DMBT1: variants seen among roughly 807,000 people sequenced by gnomAD.
The protein encoded by DMBT1 is scavenger receptor cysteine-rich domain-containing protein DMBT1.
A neutral mutation model predicts 252.9 loss-of-function variants in DMBT1; 198 were observed. The observed-to-expected ratio is 0.78, with a 90% confidence interval of 0.70 to 0.88. The LOEUF (loss-of-function observed/expected upper bound fraction) is 0.88, where lower values mean the gene tolerates loss of function less well. DMBT1 is among the 40% of genes least tolerant of loss of function. The pLI, the probability that DMBT1 is intolerant of heterozygous loss-of-function variation, is 0.00. For missense variants in DMBT1, 2,432 were observed against 2,404.7 expected (o/e 1.01, Z -0.24); for synonymous variants, 990 against 942.7 (o/e 1.05, Z -0.92).
At chr10:122,562,393 C>G (rs1376381706) in intron 1 of DMBT1, among the ~76,000 whole-genome samples, 1 of 152,124 alleles carries the variant, frequency 6.6e-6, no homozygotes, top group African/African-American at 2.4e-5. Flanking sequence ...AGCCCTCCCA[C>G]CCAGGTGGTA....
Position 122,617,218 on chromosome 10 carries a change from C to G in DMBT1, c.4859-10C>G. On this transcript the variant is annotated splice_polypyrimidine_tract_variant and intron_variant, in intron 39 of 55. Transcript: ENST00000338354. Reference sequence around the variant, plus strand: ...CTAATTCTGTCTTTTTTCTTTGTTGCTATTTACAGACACTTGGCCAACCTC... The same window carrying G: ...CTAATTCTGTCTTTTTTCTTTGTTGGTATTTACAGACACTTGGCCAACCTC... 1 of 1,608,978 alleles carries G rather than the reference C, an allele frequency of 6.2e-7. No homozygotes were observed. Among genetic ancestry groups the G allele is most frequent in the East Asian group, 2.3e-5 (1 of 42,972 alleles).
chr10:122,618,280 C>A lies in DMBT1; in HGVS notation c.5155C>A (p.His1719Asn), dbSNP rs769653651. 7 of 1,613,842 alleles carry A rather than the reference C, an allele frequency of 4.3e-6. No individual in the cohort carries two copies. In the East Asian group the frequency reaches 8.9e-5, roughly 21 times the overall value. Residue 1719 changes from histidine to asparagine, a missense_variant, in exon 41 of 56, where the codon CAC (histidine) becomes AAC (asparagine). By Grantham distance (68) the His-to-Asn change is moderately conservative. Transcript: ENST00000338354. ...CGAGTCTTACCTGTGGAGCTGCCCC[C>A]ACAATGGCTGGCTCTCCCACAACTG... ...GHESYLWSCP[H>N]NGWLSHNCGH...
At chr10:122,562,835 G>C (rs3019509) in intron 1 of DMBT1, among the ~76,000 whole-genome samples, 102,006 of 152,170 alleles carry the variant, frequency 0.67, 34,558 homozygotes, top group East Asian at 0.77. Context: ...TTCTAACATT[G>C]CTGAAGTTAG....
intron 25 of DMBT1, 93 bp downstream of exon 25, chr10:122,598,105 C>A (rs1454005208): frequency 6.3e-7 from 1 of 1,579,010 alleles, no homozygotes; most frequent in Admixed American, 1.7e-5. Flanking sequence ...CAAGGTGGGC[C>A]CCTCTCTTTT....
chr10:122,625,162 G>T lies in DMBT1; in HGVS notation c.5609-115G>T. On this transcript the variant is annotated intron_variant, in intron 44 of 55. Transcript: ENST00000338354. ...TTTATATCTACTATTCCACTCTCCTGGATGACTCTTGGGGAGCATTTCTAA... is the reference window on the plus strand; with the variant it reads ...TTTATATCTACTATTCCACTCTCCTTGATGACTCTTGGGGAGCATTTCTAA... 1.1e-5 allele frequency: 11 copies of T among 975,232 alleles called. No homozygotes were observed. The South Asian group carries it at 1.5e-4, about 13-fold the overall frequency. The allele number at this position is 975,232 out of a possible 1,614,324, so 60.4% of individuals were successfully genotyped here. A position where few individuals can be genotyped will look rare whatever the true frequency, so the allele number is the denominator to read the frequency against.
intron 46 of DMBT1, among the ~76,000 whole-genome samples, chr10:122,627,529 T>C (rs1451700770): frequency 6.6e-6 from 1 of 152,240 alleles, no homozygotes. Context: ...TGTATAGATA[T>C]ATCATCATTT....
intron 25 of DMBT1, 85 bp downstream of exon 25, chr10:122,598,097 A>C: frequency 5.7e-6 from 9 of 1,589,918 alleles, no homozygotes; most frequent in Non-Finnish European, 7.8e-6. Flanking sequence ...ATGAGGGTCA[A>C]GGTGGGCCCC....
intron 6 of DMBT1, among the ~76,000 whole-genome samples, chr10:122,575,424 A>G (rs1179099570): frequency 6.6e-6 from 1 of 152,196 alleles, no homozygotes; most frequent in Non-Finnish European, 1.5e-5. Context: ...GCAAGACAAT[A>G]TCCAGATCAG....
At chr10:122,634,074 G>T (rs1260371922) in intron 52 of DMBT1, among the ~76,000 whole-genome samples, 1 of 152,214 alleles carries the variant, frequency 6.6e-6, no homozygotes, top group East Asian at 1.9e-4. Flanking sequence ...GGAGTTGAAG[G>T]TTGTGGTGAA....
chr10:122,630,729 T>C (rs1158138132), intron 48 of DMBT1, among the ~76,000 whole-genome samples: 1 of 152,178 alleles, frequency 6.6e-6, no homozygotes, highest in Non-Finnish European at 1.5e-5. Flanking sequence ...GTGACTCTCC[T>C]TCAGAGCCAC....
chr10:122,620,420 G>GTCTACCTCCCCA, intron 43 of DMBT1, 129 bp downstream of exon 43: 1 of 1,113,748 alleles, frequency 9.0e-7, no homozygotes, highest in Non-Finnish European at 1.3e-6. Context: ...TGCCTGGGGA[G>GTCTACCTCCCCA]GTAGACTCCC....
Position 122,589,280 on chromosome 10 carries a change from C to A in DMBT1, c.2107+13C>A, listed in dbSNP as rs1356278713. 6 of 1,588,176 alleles carry A rather than the reference C, an allele frequency of 3.8e-6. No individual in the cohort carries two copies. The African/African-American group carries it at 8.1e-5, about 21-fold the overall frequency. On this transcript the variant is annotated intron_variant, in intron 17 of 55. Transcript: ENST00000338354. ...GTCATCTGCTCAGGTGGGCCTCCAG[C>A]AATTTTGGTTTCCTCTCTTGGGGTA...
chr10:122,618,403 A>C lies in DMBT1; in HGVS notation c.5215+63A>C. On this transcript the variant is annotated intron_variant, in intron 41 of 55. Transcript: ENST00000338354. ...GAAGTTTGCTCAGGAAGAAAATCCT[A>C]ATTACATTCTGATCTCCTCACTCAA... The C allele has an allele frequency of 1.2e-6, 2 of 1,612,478 alleles. 1 individual carries two copies. Among genetic ancestry groups the C allele is most frequent in the East Asian group, 4.5e-5 (2 of 44,878 alleles).
At chr10:122,585,752 GA>G (rs1270957137) in intron 15 of DMBT1, among the ~76,000 whole-genome samples, 1 of 148,524 alleles carries the variant, frequency 6.7e-6, no homozygotes, top group African/African-American at 2.4e-5. Context: ...CTGAGATGGG[GA>G]GAGTCTGGCC....
intron 55 of DMBT1, among the ~76,000 whole-genome samples, chr10:122,642,184 A>AAC (rs67888652): frequency 2.7e-4 from 40 of 149,120 alleles, no homozygotes; most frequent in African/African-American, 4.8e-4. Flanking sequence ...TGAAAAAAAA[A>AAC]ACAAAAACAA....
intron 44 of DMBT1, 150 bp downstream of exon 44, chr10:122,621,530 G>T: frequency 7.1e-7 from 1 of 1,400,156 alleles, no homozygotes; most frequent in South Asian, 1.5e-5. Context: ...GAATCCATAT[G>T]AATTCACTGC....
At chr10:122,618,722 G>C (rs28629437) in intron 41 of DMBT1, among the ~76,000 whole-genome samples, 26,395 of 152,226 alleles carry the variant, frequency 0.17, 2,888 homozygotes, top group South Asian at 0.38. Context: ...ACAAGGAACT[G>C]TGAACTAAAG....
Position 122,630,456 on chromosome 10 carries a change from T to A in DMBT1, c.5991T>A (p.Thr1997=). The change falls in exon 48 of 56, where the codon ACT becomes ACA. Residue 1997 remains threonine (T), a synonymous_variant. Coordinates refer to ENST00000338354, the MANE Select transcript of DMBT1 (RefSeq NM_001377530.1). ...HFRSDISFQN[T]GFLAWYNSFP... ...GAAGTGACATCAGTTTCCAAAACAC[T>A]GGCTTTTTGGCTTGGTATAACTCCT... 1 of 1,614,036 alleles carries A rather than the reference T, an allele frequency of 6.2e-7. No individual in the cohort carries two copies. The highest frequency in any genetic ancestry group is 1.1e-5 in the South Asian group (1 of 91,084).
intron 45 of DMBT1, 121 bp downstream of exon 45, chr10:122,625,424 C>T (rs1426909066): frequency 3.2e-6 from 3 of 951,670 alleles, no homozygotes; most frequent in East Asian, 5.2e-5. Flanking sequence ...TCTGAGGACT[C>T]TGATCTTTGT....
Sources: gnomAD v4.1 joint callset for allele counts (sites outside exome capture counted in the v4.1 genomes callset) on GRCh38, gnomAD v4.1.1 for gene constraint, MANE v1.5 for transcripts, NCBI Gene and HGNC (gene_info 2026-07-23, HGNC 2026-07-21) for gene names.